NEDD9: variants seen among roughly 807,000 people sequenced by gnomAD.
NEDD9 encodes enhancer of filamentation 1.
NEDD9 carries 26 observed loss-of-function variants against 76.6 expected under a neutral mutation model. That is an observed-to-expected ratio of 0.34 (90% CI 0.25 to 0.47). NEDD9 has a LOEUF of 0.47. NEDD9 is among the 20% of genes least tolerant of loss of function. NEDD9 has a pLI of 1.00. For missense variants in NEDD9, 937 were observed against 1,058.5 expected (o/e 0.89, Z 1.59); for synonymous variants, 392 against 414.2 (o/e 0.95, Z 0.65).
chr6:11,197,115 G>T (rs1758312977), intron 2 of NEDD9, among the ~76,000 whole-genome samples: 1 of 152,134 alleles, frequency 6.6e-6, no homozygotes, highest in African/African-American at 2.4e-5. Context: ...TGGTTAAGGG[G>T]ACCTCAAGTT....
At chr6:11,352,808 A>C (rs1468984771) in intron 1 of NEDD9, 2 of 152,268 alleles carry the variant, frequency 1.3e-5, no homozygotes, top group Non-Finnish European at 2.9e-5. Context: ...GACAGCGGTA[A>C]TAGCAATCAT....
In NEDD9 at chr6:11,196,079, C is replaced by T. The variant is rs565706873; in HGVS notation, c.460-2387G>A. ...CAGCGCTTTGGGAGGGCAAGGATCG[C>T]GGATCACGAGGTCAGGAGATCGAGA... On this transcript the variant is annotated intron_variant, in intron 2 of 6. Coordinates refer to ENST00000379446, the MANE Select transcript of NEDD9 (RefSeq NM_006403.4). Among the ~76,000 whole-genome samples the T allele has an allele frequency of 7.2e-5, 11 of 152,014 alleles. 1 individual carries two copies. The highest frequency in any genetic ancestry group is 6.2e-4 in the South Asian group (3 of 4,824).
chr6:11,232,696 T>G, upstream of NEDD9: 1 of 1,452,466 alleles, frequency 6.9e-7, no homozygotes, highest in Non-Finnish European at 9.1e-7. Flanking sequence ...TGAGGCAGGC[T>G]GATCGCGGAC....
At chr6:11,217,153 G>T (rs1252809681) in intron 1 of NEDD9, among the ~76,000 whole-genome samples, 3 of 152,214 alleles carry the variant, frequency 2.0e-5, no homozygotes, top group Non-Finnish European at 4.4e-5. Flanking sequence ...GTTGGTGCAA[G>T]GTTTCAGTAA....
intron 1 of NEDD9, among the ~76,000 whole-genome samples, chr6:11,364,885 C>T (rs1377696499): frequency 2.0e-5 from 3 of 152,062 alleles, no homozygotes; most frequent in African/African-American, 7.3e-5. Context: ...TATTATGGTA[C>T]AGTTCCTTTA....
rs537039860 is a variant in NEDD9, at chr6:11,247,470, A to T, written c.13-33743T>A. Among the ~76,000 whole-genome samples, 10 of 152,318 alleles carry T rather than the reference A, an allele frequency of 6.6e-5. No individual in the cohort carries two copies. In the South Asian group the frequency reaches 2.1e-3, roughly 32 times the overall value. On this transcript the variant is annotated intron_variant, in intron 3 of 3. Coordinates refer to the NEDD9 transcript ENST00000397378. The stretch of plus-strand genomic sequence containing the variant: ...ATAATTCACCTACATAAAATTCACA[A>T]TTTTAAAGTGTACTCTTCGGTGTTT...
intron 3 of NEDD9, among the ~76,000 whole-genome samples, chr6:11,259,666 AG>A (rs1760069841): frequency 6.6e-6 from 1 of 152,242 alleles, no homozygotes; most frequent in Non-Finnish European, 1.5e-5. Flanking sequence ...AGACAAGTAT[AG>A]TCTGAAACAT....
chr6:11,216,738 T>G (rs1758965607), intron 1 of NEDD9, among the ~76,000 whole-genome samples: 1 of 152,220 alleles, frequency 6.6e-6, no homozygotes, highest in Non-Finnish European at 1.5e-5. Flanking sequence ...GATGTTTTAT[T>G]TAATTTGCTA....
At chr6:11,249,859 G>A (rs548582273) in intron 3 of NEDD9, among the ~76,000 whole-genome samples, 1 of 152,144 alleles carries the variant, frequency 6.6e-6, no homozygotes, top group Non-Finnish European at 1.5e-5. Flanking sequence ...GGCTCGCGTG[G>A]GCTTCCTTCT....
chr6:11,319,541 G>GAC (rs373121806), intron 2 of NEDD9, among the ~76,000 whole-genome samples: 11,197 of 83,388 alleles, frequency 0.13, 542 homozygotes, highest in Admixed American at 0.24. Context: ...CTAACATGCG[G>GAC]ACACACACTA....
intron 3 of NEDD9, chr6:11,249,342 T>C (rs547059006): frequency 4.7e-5 from 18 of 380,184 alleles, no homozygotes; most frequent in Non-Finnish European, 8.3e-5. Context: ...CCTGGGTTGG[T>C]TCAGGGCTCT....
intron 3 of NEDD9, among the ~76,000 whole-genome samples, chr6:11,299,569 C>G (rs1428570935): frequency 2.0e-5 from 3 of 152,308 alleles, no homozygotes; most frequent in South Asian, 2.1e-4. Flanking sequence ...GTCCTTGACC[C>G]CTGTGTAGCC....
chr6:11,232,414 G>C, intron 1 of NEDD9, 90 bp downstream of exon 1: 1 of 1,497,800 alleles, frequency 6.7e-7, no homozygotes, highest in Non-Finnish European at 9.3e-7. Context: ...ACACACAAGG[G>C]ACTGACAGTA....
intron 2 of NEDD9, among the ~76,000 whole-genome samples, chr6:11,205,630 T>TC (rs199685284): frequency 7.6e-4 from 109 of 143,290 alleles, no homozygotes; most frequent in African/African-American, 2.7e-3. Flanking sequence ...TACATCCTAC[T>TC]TTTTTTTTTT....
intron 3 of NEDD9, among the ~76,000 whole-genome samples, chr6:11,303,566 C>T (rs1395387284): frequency 6.6e-6 from 1 of 152,100 alleles, no homozygotes; most frequent in African/African-American, 2.4e-5. Context: ...AACTATACTA[C>T]AAGCTAGAGT....
intron 1 of NEDD9, among the ~76,000 whole-genome samples, chr6:11,355,873 A>G (rs1000357334): frequency 3.3e-5 from 5 of 150,984 alleles, no homozygotes; most frequent in Non-Finnish European, 2.9e-5. Flanking sequence ...GGCACCCGCC[A>G]CCACGCCCGG....
intron 3 of NEDD9, among the ~76,000 whole-genome samples, chr6:11,290,076 G>T (rs1232648927): frequency 1.3e-5 from 2 of 152,166 alleles, no homozygotes; most frequent in Admixed American, 6.5e-5. Context: ...TTTCACACAG[G>T]AGTTCTTTCC....
intron 3 of NEDD9, chr6:11,305,930 A>T: frequency 6.4e-7 from 1 of 1,567,806 alleles, no homozygotes; most frequent in East Asian, 2.2e-5. Flanking sequence ...CAGAGAATTT[A>T]GGCTGAGCAA....
intron 1 of NEDD9, among the ~76,000 whole-genome samples, chr6:11,362,683 A>G (rs1420860960): frequency 1.3e-5 from 2 of 152,258 alleles, no homozygotes; most frequent in South Asian, 2.1e-4. Context: ...ATAGTCATCC[A>G]GGAAATAGTC....
Sources: gnomAD v4.1 joint callset for allele counts (sites outside exome capture counted in the v4.1 genomes callset) on GRCh38, gnomAD v4.1.1 for gene constraint, MANE v1.5 for transcripts, NCBI Gene and HGNC (gene_info 2026-07-23, HGNC 2026-07-21) for gene names.